The following NAV3 variants were observed in gnomAD, a reference collection of about 807,000 sequenced individuals.
NAV3 encodes the protein neuron navigator 3, also known as pore membrane and/or filament interacting like protein 1.
Under a neutral mutation model 244.7 loss-of-function variants are expected in NAV3, and 87 were observed. The observed-to-expected ratio is 0.36, with a 90% CI of 0.30 to 0.42. The LOEUF (loss-of-function observed/expected upper bound fraction) is 0.42. Among genes scored for constraint, NAV3 ranks in the 20% least tolerant of loss-of-function variants. The pLI is 1.00. For synonymous variants in NAV3, 1,126 were observed against 1,042.2 expected (o/e 1.08, Z -1.55); for missense variants, 2,663 against 2,893.3 (o/e 0.92, Z 1.83).
intron 2 of NAV3, among the ~76,000 whole-genome samples, chr12:77,771,239 G>A (rs1294693629): frequency 6.6e-6 from 1 of 152,106 alleles, no homozygotes; most frequent in African/African-American, 2.4e-5. Context: ...AGTTAGAATG[G>A]CGATCATTAA....
At chr12:78,050,370 A>T (rs1329042976) in intron 10 of NAV3, among the ~76,000 whole-genome samples, 1 of 152,102 alleles carries the variant, frequency 6.6e-6, no homozygotes, top group East Asian at 1.9e-4. Flanking sequence ...TGTTAAGTGG[A>T]TTTGTAATAC....
chr12:77,781,934 A>G (rs1246012951), intron 2 of NAV3, among the ~76,000 whole-genome samples: 1 of 152,182 alleles, frequency 6.6e-6, no homozygotes, highest in African/African-American at 2.4e-5. Context: ...CACTTTTGCT[A>G]TGGTCTATTG....
intron 1 of NAV3, among the ~76,000 whole-genome samples, chr12:77,863,452 C>T (rs1397761341): frequency 6.6e-6 from 1 of 151,556 alleles, no homozygotes; most frequent in African/African-American, 2.4e-5. Context: ...TTTTTGAAGT[C>T]TTCATAATTA....
At position 77,808,280 on chromosome 12, in the gene NAV3, T is replaced by G. The variant is rs145927746; in HGVS notation, c.73-132039T>G. Among the ~76,000 whole-genome samples, 347 of 152,308 alleles carry G rather than the reference T, an allele frequency of 2.3e-3. 2 individuals are homozygous for G. Among genetic ancestry groups the G allele is most frequent in the African/African-American group, 8.0e-3 (331 of 41,576 alleles). On this transcript the variant is annotated intron_variant, in intron 2 of 8. Coordinates refer to the NAV3 transcript ENST00000550042. ...GTTCTGGTTTTTGGAATTTTCTGCC[T>G]TTTTGTGCTGATTTTTCCTGATTTT...
chr12:77,677,598 C>A (rs923996028), intron 2 of NAV3, among the ~76,000 whole-genome samples: 1 of 152,178 alleles, frequency 6.6e-6, no homozygotes, highest in Non-Finnish European at 1.5e-5. Flanking sequence ...CTCTAAACTT[C>A]ATTGTCTTAT....
intron 39 of NAV3, among the ~76,000 whole-genome samples, chr12:78,209,143 C>T (rs1213050681): frequency 6.6e-6 from 1 of 151,976 alleles, no homozygotes; most frequent in Non-Finnish European, 1.5e-5. Context: ...ACATATTTTC[C>T]TGAGACTATT....
intron 1 of NAV3, among the ~76,000 whole-genome samples, chr12:77,889,614 T>A (rs1883701988): frequency 1.3e-5 from 2 of 152,204 alleles, no homozygotes; most frequent in South Asian, 4.1e-4. Context: ...CTCTATAAGT[T>A]GTTATGTTGA....
At chr12:77,596,861 T>C (rs1057493972) in intron 2 of NAV3, among the ~76,000 whole-genome samples, 2 of 152,048 alleles carry the variant, frequency 1.3e-5, no homozygotes, top group East Asian at 1.9e-4. Flanking sequence ...GGGGCATCCA[T>C]GTGCAGTCTG....
chr12:78,171,149 G>A lies in NAV3; in HGVS notation c.4981+2283G>A, dbSNP rs1957983342. On this transcript the variant is annotated intron_variant, in intron 24 of 39. Coordinates refer to ENST00000397909, the MANE Select transcript of NAV3 (RefSeq NM_001024383.2). ...AATTGAAGGACAAAGTAGTTCTGTAGGGGCTACTTCTTTCAAGACTTTAGC... is the reference window on the plus strand; with the variant it reads ...AATTGAAGGACAAAGTAGTTCTGTAAGGGCTACTTCTTTCAAGACTTTAGC... Among the ~76,000 whole-genome samples, 3 of 151,834 alleles carry A rather than the reference G, an allele frequency of 2.0e-5. No individual in the cohort carries two copies. In the South Asian group the frequency reaches 6.2e-4, roughly 32 times the overall value.
At chr12:77,597,442 G>A (rs993341859) in intron 2 of NAV3, among the ~76,000 whole-genome samples, 5 of 152,012 alleles carry the variant, frequency 3.3e-5, no homozygotes, top group African/African-American at 9.7e-5. Context: ...GGGCATAGAC[G>A]AGGCTTAGTA....
chr12:77,731,819 T>TA (rs1305584940), intron 2 of NAV3, among the ~76,000 whole-genome samples: 5 of 151,942 alleles, frequency 3.3e-5, no homozygotes, highest in Non-Finnish European at 2.9e-5. Context: ...ATATTTTAAT[T>TA]AAAAAAATAG....
At chr12:78,102,163 G>A (rs942124290) in intron 12 of NAV3, among the ~76,000 whole-genome samples, 2 of 152,150 alleles carry the variant, frequency 1.3e-5, no homozygotes, top group Admixed American at 6.6e-5. Flanking sequence ...CTATGAGCCT[G>A]TAAAATCACA....
chr12:77,897,912 A>G (rs1304283158), intron 1 of NAV3, among the ~76,000 whole-genome samples: 2 of 152,070 alleles, frequency 1.3e-5, no homozygotes, highest in South Asian at 2.1e-4. Context: ...TTGTTTCTTC[A>G]CAGCTCTGCC....
At chr12:77,868,998 G>A (rs1880523410) in intron 1 of NAV3, among the ~76,000 whole-genome samples, 1 of 151,950 alleles carries the variant, frequency 6.6e-6, no homozygotes, top group Non-Finnish European at 1.5e-5. Flanking sequence ...CTTGAACCTG[G>A]GAGGTGGAGG....
chr12:77,751,858 G>T (rs1868874046), intron 2 of NAV3, among the ~76,000 whole-genome samples: 1 of 152,072 alleles, frequency 6.6e-6, no homozygotes, highest in South Asian at 2.1e-4. Context: ...CAGTTGTTCT[G>T]TGACATTAAC....
In NAV3 at chr12:78,016,397, T is replaced by G. The variant is rs575984422; in HGVS notation, c.1908-5350T>G. On this transcript the variant is annotated intron_variant, in intron 8 of 39. Coordinates refer to ENST00000397909, the MANE Select transcript of NAV3 (RefSeq NM_001024383.2). Reference sequence around the variant, plus strand: ...CTCAACACCACAGTTTATTTTTCTTTCCATACTTGTGCCTCTTTTTGTCAA... The same window carrying G: ...CTCAACACCACAGTTTATTTTTCTTGCCATACTTGTGCCTCTTTTTGTCAA... 4.3e-4 allele frequency among the ~76,000 whole-genome samples: 65 copies of G among 152,270 alleles called. 1 individual carries two copies. In the South Asian group the frequency reaches 0.013, roughly 31 times the overall value.
intron 2 of NAV3, among the ~76,000 whole-genome samples, chr12:77,600,854 G>T (rs888243319): frequency 6.6e-6 from 1 of 151,866 alleles, no homozygotes; most frequent in Non-Finnish European, 1.5e-5. Flanking sequence ...AAATTTATGG[G>T]TATTTTTACA....
chr12:77,682,202 T>C (rs1874505069), intron 2 of NAV3, among the ~76,000 whole-genome samples: 1 of 152,120 alleles, frequency 6.6e-6, no homozygotes. Context: ...TACTCTCTGT[T>C]TCTATAAGCT....
chr12:78,047,525 T>A (rs1882031115), intron 9 of NAV3, among the ~76,000 whole-genome samples: 1 of 152,036 alleles, frequency 6.6e-6, no homozygotes, highest in African/African-American at 2.4e-5. Flanking sequence ...AAATGAACGT[T>A]GAATATTGGC....
Sources: allele counts gnomAD v4.1 joint callset (sites outside exome capture counted in the v4.1 genomes callset), GRCh38; gene constraint gnomAD v4.1.1; transcripts MANE v1.5; gene names NCBI Gene and HGNC (gene_info 2026-07-23, HGNC 2026-07-21).